ACAD10: variants seen among roughly 807,000 people sequenced by gnomAD.
ACAD10 encodes ACAD-10.
In ACAD10, 112 loss-of-function variants were observed where a neutral mutation model predicts 116.8. The observed-to-expected ratio is 0.96, with a 90% CI of 0.82 to 1.12. The LOEUF (loss-of-function observed/expected upper bound fraction) is 1.12. Ranked by LOEUF, ACAD10 falls within the 50% of genes most tolerant of loss-of-function variation. ACAD10 has a pLI of 0.00. For synonymous variants in ACAD10, 486 were observed against 510.6 expected (o/e 0.95, Z 0.65); for missense variants, 1,259 against 1,350.2 (o/e 0.93, Z 1.06).
intron 7 of ACAD10, among the ~76,000 whole-genome samples, chr12:111,719,797 G>A (rs1387472361): frequency 6.6e-6 from 1 of 151,898 alleles, no homozygotes; most frequent in Non-Finnish European, 1.5e-5. Flanking sequence ...GCACGATCTC[G>A]GCCCACTGCA....
intron 2 of ACAD10, among the ~76,000 whole-genome samples, chr12:111,696,916 C>G (rs1291091485): frequency 1.3e-5 from 2 of 152,096 alleles, no homozygotes; most frequent in South Asian, 2.1e-4. Flanking sequence ...CCCGTCTCTA[C>G]TAAAAATACA....
At chr12:111,724,923 A>G (rs1481776995) in intron 8 of ACAD10, among the ~76,000 whole-genome samples, 1 of 151,890 alleles carries the variant, frequency 6.6e-6, no homozygotes, top group Admixed American at 6.6e-5. Context: ...AGGGAGAGGG[A>G]GAAGACTATT....
chr12:111,721,777 T>C, intron 8 of ACAD10, 38 bp downstream of exon 8: 1 of 1,542,830 alleles, frequency 6.5e-7, no homozygotes. Context: ...ACTTTCAAGC[T>C]ACAGGAGAGA....
At chr12:111,725,637 C>G (rs963081626) in intron 8 of ACAD10, among the ~76,000 whole-genome samples, 2 of 151,906 alleles carry the variant, frequency 1.3e-5, no homozygotes, top group Non-Finnish European at 2.9e-5. Context: ...TGGATTCAAG[C>G]AGTTCTCCTG....
At chr12:111,742,001 C>T (rs1024052653) in intron 12 of ACAD10, among the ~76,000 whole-genome samples, 1 of 152,192 alleles carries the variant, frequency 6.6e-6, no homozygotes, top group Non-Finnish European at 1.5e-5. Context: ...GTGTCCTTCT[C>T]CTTCCTTAAT....
rs187759410 is a variant in ACAD10, at chr12:111,750,152, C to T, written c.2817+807C>T. On this transcript the variant is annotated intron_variant, in intron 18 of 20. Transcript: ENST00000313698. ...TGTTGCCTAGGCTGGAGTGCAGTGG[C>T]GCGATCTTGGCTCACTGCAACCTCT... Among the ~76,000 whole-genome samples the T allele has an allele frequency of 1.6e-3, 222 of 139,112 alleles. 1 individual carries two copies. Among genetic ancestry groups the T allele is most frequent in the African/African-American group, 5.5e-3 (207 of 37,472 alleles). The allele number at this position is 139,112 out of a possible 152,430, so 91.3% of individuals were successfully genotyped here.
chr12:111,735,020 G>A (rs991715930), intron 11 of ACAD10, among the ~76,000 whole-genome samples: 4 of 152,032 alleles, frequency 2.6e-5, no homozygotes, highest in Non-Finnish European at 5.9e-5. Flanking sequence ...TCAGGAGATC[G>A]AGACCATCCT....
intron 3 of ACAD10, among the ~76,000 whole-genome samples, chr12:111,704,731 A>G (rs1171129352): frequency 1.5e-5 from 2 of 129,246 alleles, no homozygotes; most frequent in Non-Finnish European, 3.1e-5. Flanking sequence ...TCTGTTGCCC[A>G]GGCTGGAGTG....
At chr12:111,721,300 G>T (rs1889005732) in intron 7 of ACAD10, among the ~76,000 whole-genome samples, 1 of 152,202 alleles carries the variant, frequency 6.6e-6, no homozygotes, top group Admixed American at 6.5e-5. Flanking sequence ...AGGCACAATG[G>T]CTTATGCCTG....
Position 111,756,707 on chromosome 12 carries a change from T to A in ACAD10, c.*234T>A, listed in dbSNP as rs948066045. On this transcript the variant is annotated 3_prime_UTR_variant, in exon 21 of 21. Coordinates refer to ENST00000313698, the MANE Select transcript of ACAD10 (RefSeq NM_025247.6). ...GGGGATTTGCTGAGGGCCAAGGGGG[T>A]TCTGGGACAGAGTCTGGAAAGCTGG... 1.9e-5 allele frequency: 14 copies of A among 725,038 alleles called. No homozygotes were observed. In the African/African-American group the frequency reaches 2.4e-4, roughly 13 times the overall value. 44.9% of individuals were successfully genotyped at this position (725,038 alleles called of 1,614,324 possible).
chr12:111,756,456 C>T lies in ACAD10; in HGVS notation c.3163C>T (p.Leu1055=). The change falls in exon 21 of 21, where the codon CTG becomes TTG. Residue 1055 remains leucine (L), a synonymous_variant. Transcript: ENST00000313698. ...CCGGGCCACGGTGGCCAAGCTAGAG[C>T]TGAAGCACCGCATTTAGAGCCTTGG... ...VHRATVAKLE[L]KHRI 1 of 1,612,632 alleles carries T rather than the reference C, an allele frequency of 6.2e-7. No individual in the cohort carries two copies. The highest frequency in any genetic ancestry group is 1.3e-5 in the African/African-American group (1 of 75,026).
At position 111,743,991 on chromosome 12, in the gene ACAD10, G is replaced by A. The variant is rs569065733; in HGVS notation, c.1715-652G>A. The stretch of plus-strand genomic sequence containing the variant: ...TTGAACTCCCGACCTCAAGTGATCC[G>A]CCCACCTCAGCCTCCCAAAGTGCTG... On this transcript the variant is annotated intron_variant, in intron 12 of 20. Transcript: ENST00000313698. Among the ~76,000 whole-genome samples the A allele has an allele frequency of 4.0e-5, 6 of 151,142 alleles. No individual in the cohort carries two copies. In the East Asian group the frequency reaches 7.9e-4, roughly 20 times the overall value.
intron 11 of ACAD10, among the ~76,000 whole-genome samples, chr12:111,736,024 C>T (rs1321752410): frequency 1.3e-5 from 2 of 151,726 alleles, no homozygotes; most frequent in South Asian, 2.1e-4. Context: ...GGATTACAGG[C>T]GTGTGCCACA....
intron 1 of ACAD10, among the ~76,000 whole-genome samples, chr12:111,686,954 A>C (rs1887882490): frequency 6.6e-6 from 1 of 152,190 alleles, no homozygotes; most frequent in African/African-American, 2.4e-5. Context: ...TAAAGTTGGC[A>C]TGATATCATG....
intron 10 of ACAD10, among the ~76,000 whole-genome samples, chr12:111,731,797 C>G (rs1402330364): frequency 6.6e-6 from 1 of 152,180 alleles, no homozygotes; most frequent in Non-Finnish European, 1.5e-5. Context: ...AAGTAGTAGG[C>G]AGTGGCCAGG....
chr12:111,702,169 G>GATTC lies in ACAD10; in HGVS notation c.195_196insATTC (p.Val66IlefsTer20). 6.2e-7 allele frequency: 1 copy of GATTC among 1,612,312 alleles called. No homozygotes were observed. Among genetic ancestry groups the GATTC allele is most frequent in the South Asian group, 1.1e-5 (1 of 90,580 alleles). ...ATATTTTGCTTCCTATAGAATGGGA[G>GATTC]GTACAGAATCGTATCCCTTCTGGAA... On this transcript the variant is annotated frameshift_variant, in exon 3 of 21. Coordinates refer to ENST00000313698, the MANE Select transcript of ACAD10 (RefSeq NM_025247.6). LOFTEE classifies it high-confidence loss of function.
intron 2 of ACAD10, among the ~76,000 whole-genome samples, chr12:111,695,166 A>G (rs113863847): frequency 4.6e-5 from 7 of 152,332 alleles, no homozygotes; most frequent in South Asian, 2.1e-4. Flanking sequence ...TCTCAGTTTT[A>G]GCTTTCCTGC....
intron 7 of ACAD10, among the ~76,000 whole-genome samples, chr12:111,718,771 G>A (rs776635483): frequency 6.6e-6 from 1 of 151,998 alleles, no homozygotes; most frequent in African/African-American, 2.4e-5. Flanking sequence ...GAGCCTCTGC[G>A]CCTGGCCTGT....
chr12:111,747,558 C>T (rs1716390467), intron 16 of ACAD10, 173 bp downstream of exon 16: 1 of 1,443,936 alleles, frequency 6.9e-7, no homozygotes, highest in East Asian at 2.5e-5. Flanking sequence ...ATCCGTGGAG[C>T]ACACTGTTCT....
Sources: gnomAD v4.1 joint callset for allele counts (sites outside exome capture counted in the v4.1 genomes callset) on GRCh38, gnomAD v4.1.1 for gene constraint, MANE v1.5 for transcripts, NCBI Gene and HGNC (gene_info 2026-07-23, HGNC 2026-07-21) for gene names.